Variants in NUDT6 observed in about 807,000 individuals in gnomAD.
NUDT6 encodes the protein FAD diphosphatase NUDT6.
NUDT6 carries 24 observed loss-of-function variants against 36.8 expected under a neutral mutation model. That is an observed-to-expected ratio of 0.65 (90% CI 0.47 to 0.92). NUDT6 has a LOEUF of 0.92. Ranked by LOEUF, NUDT6 falls within the 40% of genes least tolerant of loss-of-function variation. The pLI, the probability that NUDT6 is intolerant of heterozygous loss-of-function variation, is 0.00. For missense variants in NUDT6, 388 were observed against 392.8 expected, an observed-to-expected ratio of 0.99 and a Z score of 0.10; for synonymous variants, 163 against 157.0, an observed-to-expected ratio of 1.04 and a Z score of -0.29.
chr4:122,907,835 G>A (rs1727651897), intron 3 of NUDT6, among the ~76,000 whole-genome samples: 1 of 152,118 alleles, frequency 6.6e-6, no homozygotes, highest in African/African-American at 2.4e-5. Context: ...CTATCTTGGG[G>A]TCTGGATCAG....
chr4:122,898,137 T>TAATAAGAG (rs1491461073), intron 3 of NUDT6: 1 of 153,922 alleles, frequency 6.5e-6, no homozygotes, highest in Non-Finnish European at 1.4e-5. Context: ...ATTACTCTTA[T>TAATAAGAG]TATTTCTATT....
At chr4:122,910,472 T>A (rs1727710857) in intron 3 of NUDT6, among the ~76,000 whole-genome samples, 1 of 152,210 alleles carries the variant, frequency 6.6e-6, no homozygotes, top group African/African-American at 2.4e-5. Context: ...TAGATTCTTA[T>A]TTGGTAGATT....
chr4:122,922,553 C>T lies in NUDT6; in HGVS notation c.20G>A (p.Trp7Ter), dbSNP rs1728105898. Residue 7 changes from tryptophan to a stop codon, truncating the protein, a stop_gained, in exon 1 of 5, where the codon TGG (tryptophan) becomes TAG (stop). Transcript: ENST00000304430. LOFTEE classifies it high-confidence loss of function. ...GGCAAGCATCGCGCGCCAGCGGCCC[C>T]AGCTCAGTGGCTGCCGCATCTCCAC... MRQPLS[W>*]GRWRAMLART... 1.9e-6 allele frequency: 3 copies of T among 1,600,472 alleles called. No individual in the cohort carries two copies. Among genetic ancestry groups the T allele is most frequent in the Non-Finnish European group, 1.7e-6 (2 of 1,177,004 alleles).
chr4:122,920,810 C>A (rs1460593556), intron 1 of NUDT6: 2 of 152,126 alleles, frequency 1.3e-5, no homozygotes, highest in African/African-American at 2.4e-5. Context: ...GGCTTGTCAG[C>A]AATTACTAGC....
At position 122,901,524 on chromosome 4, in the gene NUDT6, G is replaced by A. The variant is rs141253499; in HGVS notation, c.499-3846C>T. 1.6e-3 allele frequency among the ~76,000 whole-genome samples: 238 copies of A among 152,204 alleles called. 1 individual carries two copies. The highest frequency in any genetic ancestry group is 5.5e-3 in the African/African-American group (227 of 41,520). On this transcript the variant is annotated intron_variant, in intron 3 of 4. Coordinates refer to ENST00000304430, the MANE Select transcript of NUDT6 (RefSeq NM_007083.5). ...TAAGGGTGGTCTCATTTATCACTCT[G>A]CAATCCTTCCTTCCCCACTGTTAGA...
intron 3 of NUDT6, among the ~76,000 whole-genome samples, chr4:122,911,352 A>C (rs1435061042): frequency 6.6e-6 from 1 of 152,182 alleles, no homozygotes; most frequent in Non-Finnish European, 1.5e-5. Flanking sequence ...TTTCCATGTC[A>C]AGTCTAAACT....
chr4:122,910,710 A>G (rs190509531), intron 3 of NUDT6, among the ~76,000 whole-genome samples: 2 of 152,330 alleles, frequency 1.3e-5, no homozygotes, highest in African/African-American at 4.8e-5. Flanking sequence ...TACATGGAAG[A>G]TACATAGAAT....
rs748986453 is a variant in NUDT6 at position 122,922,562 on chromosome 4, G to C, written c.11C>G (p.Pro4Arg). ...CGCGCGCCAGCGGCCCCAGCTCAGT[G>C]GCTGCCGCATCTCCACGCCGCTTAA... MRQ[P>R]LSWGRWRAML... Residue 4 changes from proline (P) to arginine (R), a missense_variant, in exon 1 of 5, where the codon CCA becomes CGA. Physicochemically the swap from Pro to Arg is moderately radical, Grantham distance 103 (BLOSUM62 -2). Coordinates refer to ENST00000304430, the MANE Select transcript of NUDT6 (RefSeq NM_007083.5). The C allele has an allele frequency of 6.3e-5, 101 of 1,594,658 alleles. No individual in the cohort carries two copies. The highest frequency in any genetic ancestry group is 1.7e-4 in the Middle Eastern group (1 of 5,744).
intron 3 of NUDT6, among the ~76,000 whole-genome samples, chr4:122,908,124 C>T (rs114374138): frequency 0.018 from 2,722 of 152,270 alleles, 39 homozygotes; most frequent in Admixed American, 0.031. Context: ...ATCTTATAAA[C>T]TAAATCCCCA....
chr4:122,913,772 C>A (rs1727777011), intron 2 of NUDT6, among the ~76,000 whole-genome samples: 1 of 151,894 alleles, frequency 6.6e-6, no homozygotes, highest in African/African-American at 2.4e-5. Flanking sequence ...CATATTCTCT[C>A]TTTCTTTTTA....
intron 4 of NUDT6, chr4:122,893,450 G>A: frequency 4.8e-6 from 2 of 418,006 alleles, no homozygotes; most frequent in East Asian, 3.8e-5. Context: ...TATTTCTTTG[G>A]CTGCTACTTG....
chr4:122,921,629 A>C (rs1260704382), intron 1 of NUDT6: 1 of 145,594 alleles, frequency 6.9e-6, no homozygotes, highest in East Asian at 2.0e-4. Context: ...CAAACTGTAC[A>C]TTTAAAAATA....
At chr4:122,893,455 T>A (rs1057396138) in intron 4 of NUDT6, 1 of 410,676 alleles carries the variant, frequency 2.4e-6, no homozygotes, top group Non-Finnish European at 4.3e-6. Flanking sequence ...CTTTGGCTGC[T>A]ACTTGGAGGC....
At chr4:122,900,509 T>A (rs1727499277) in intron 3 of NUDT6, among the ~76,000 whole-genome samples, 1 of 151,566 alleles carries the variant, frequency 6.6e-6, no homozygotes, top group Non-Finnish European at 1.5e-5. Flanking sequence ...AATACTCCCA[T>A]GAGAGGCTAT....
At chr4:122,911,430 T>A (rs974843861) in intron 3 of NUDT6, among the ~76,000 whole-genome samples, 4 of 152,186 alleles carry the variant, frequency 2.6e-5, no homozygotes, top group African/African-American at 9.6e-5. Flanking sequence ...TCTCTGGTCA[T>A]AACCGTTACA....
chr4:122,922,269 G>C (rs1326131902), intron 1 of NUDT6, 66 bp downstream of exon 1: 2 of 1,403,098 alleles, frequency 1.4e-6, no homozygotes, highest in Non-Finnish European at 1.9e-6. Context: ...TAGGGAGTGG[G>C]GGCCGCGGTT....
At chr4:122,916,050 A>G (rs893749192) in intron 2 of NUDT6, among the ~76,000 whole-genome samples, 24 of 152,212 alleles carry the variant, frequency 1.6e-4, no homozygotes, top group African/African-American at 5.8e-4. Context: ...AGGATCCCTT[A>G]CTATTATAGT....
rs113708696 is a variant in NUDT6 at position 122,899,044 on chromosome 4, A to ATTTTTTTT, written c.499-1374_499-1367dup. Among the ~76,000 whole-genome samples the ATTTTTTTT allele has an allele frequency of 1.6e-4, 11 of 69,410 alleles. 1 individual carries two copies. In the East Asian group the frequency reaches 1.9e-3, roughly 12 times the overall value. 45.5% of individuals were successfully genotyped at this position (69,410 alleles called of 152,430 possible). A position where few individuals can be genotyped will look rare whatever the true frequency, so the allele number is the denominator to read the frequency against. On this transcript the variant is annotated intron_variant, in intron 3 of 4. Coordinates refer to ENST00000304430, the MANE Select transcript of NUDT6 (RefSeq NM_007083.5). Reference sequence around the variant, plus strand: ...CTACAGGTGTGCACCACCACACCTAATTTTTTTTTTTTTTTTAGAGATGAG... The same window carrying ATTTTTTTT: ...CTACAGGTGTGCACCACCACACCTAATTTTTTTTTTTTTTTTTTTTTTTTAGAGATGAG...
Position 122,922,522 on chromosome 4 carries a change from G to A in NUDT6, c.51C>T (p.Thr17=), listed in dbSNP as rs1376707174. The change falls in exon 1 of 5, where the codon ACC becomes ACT. Residue 17 remains threonine, a synonymous_variant. Transcript: ENST00000304430. ...AACCCGCCGAAGGCCCGGGGCCGTA[G>A]GTTCGGGCAAGCATCGCGCGCCAGC... ...WGRWRAMLAR[T]YGPGPSAGYR... is the part of the protein sequence containing the mutation. The A allele has an allele frequency of 1.9e-6, 3 of 1,607,662 alleles. No individual in the cohort carries two copies. The highest frequency in any genetic ancestry group is 2.2e-5 in the East Asian group (1 of 44,834).
Sources: gnomAD v4.1 joint callset for allele counts (sites outside exome capture counted in the v4.1 genomes callset) on GRCh38, gnomAD v4.1.1 for gene constraint, MANE v1.5 for transcripts, NCBI Gene and HGNC (gene_info 2026-07-23, HGNC 2026-07-21) for gene names.